NR2F2: variants seen among roughly 807,000 people sequenced by gnomAD.
NR2F2 encodes the protein nuclear receptor subfamily 2 group F member 2, also known as COUP transcription factor 2.
In NR2F2, 2 loss-of-function variants were observed where a neutral mutation model predicts 34.8. The ratio of observed to expected loss-of-function variants is 0.06; its 90% CI spans 0.02 to 0.18. The LOEUF (loss-of-function observed/expected upper bound fraction) is 0.18, where lower values mean the gene tolerates loss of function less well. Ranked by LOEUF, NR2F2 falls within the 10% of genes least tolerant of loss-of-function variation. The pLI, the probability that NR2F2 is intolerant of heterozygous loss-of-function variation, is 1.00. For missense variants in NR2F2, 300 were observed against 580.1 expected, an observed-to-expected ratio of 0.52 and a Z score of 4.96; for synonymous variants, 274 against 251.8, an observed-to-expected ratio of 1.09 and a Z score of -0.84.
Position 96,339,187 on chromosome 15 carries a change from C to CT in NR2F2, c.*1566dup, listed in dbSNP as rs1899427521. The CT allele has an allele frequency of 6.6e-6, 1 of 151,930 alleles. No homozygotes were observed. The highest frequency in any genetic ancestry group is 2.4e-5 in the African/African-American group (1 of 41,350). 9.4% of individuals were successfully genotyped at this position (151,930 alleles called of 1,614,324 possible). On this transcript the variant is annotated 3_prime_UTR_variant, in exon 3 of 3. Coordinates refer to ENST00000394166, the MANE Select transcript of NR2F2 (RefSeq NM_021005.4). ...GTATTAGAAATCTTGAGATCAGTATCTATTTTATGATCAGAAAAAAATACT... is the reference window on the plus strand; with the variant it reads ...GTATTAGAAATCTTGAGATCAGTATCTTATTTTATGATCAGAAAAAAATACT...
chr15:96,326,620 T>C (rs1324423135), upstream of NR2F2, among the ~76,000 whole-genome samples: 1 of 151,920 alleles, frequency 6.6e-6, no homozygotes, highest in African/African-American at 2.4e-5. The surrounding 1 kb of genome is among the most constrained non-coding windows in gnomAD (Gnocchi z 5.5). Context: ...AAAATATGAT[T>C]AAACCGAAGC....
chr15:96,328,380 A>G (rs192933107), upstream of NR2F2, among the ~76,000 whole-genome samples: 12 of 152,308 alleles, frequency 7.9e-5, no homozygotes, highest in East Asian at 2.1e-3. Flanking sequence ...GTAAAAGGTA[A>G]TCTGCTATGG....
Position 96,337,956 on chromosome 15 carries a change from G to T in NR2F2, c.*334G>T, listed in dbSNP as rs1457428173. On this transcript the variant is annotated 3_prime_UTR_variant, in exon 3 of 3. Coordinates refer to ENST00000394166, the MANE Select transcript of NR2F2 (RefSeq NM_021005.4). ...GCTAAAAGTGCATTTAAGGAGATTG[G>T]GAGACAATTAGCAGAATGGAGAAAG... 5.1e-6 allele frequency: 1 copy of T among 197,048 alleles called. No individual in the cohort carries two copies. The highest frequency in any genetic ancestry group is 1.0e-5 in the Non-Finnish European group (1 of 97,210). The allele number at this position is 197,048 out of a possible 1,614,324, so 12.2% of individuals were successfully genotyped here.
In NR2F2 at chr15:96,331,282, G is replaced by C. The variant is rs1000695447; in HGVS notation, c.-824G>C. The C allele has an allele frequency of 5.9e-5, 60 of 1,016,046 alleles. No individual in the cohort carries two copies. In the African/African-American group the frequency reaches 1.0e-3, roughly 17 times the overall value. 62.9% of individuals were successfully genotyped at this position (1,016,046 alleles called of 1,614,324 possible). On this transcript the variant is annotated 5_prime_UTR_variant, in exon 1 of 3. Transcript: ENST00000394166. Reference sequence around the variant, plus strand: ...AGGCGCGCGCCGGACGCCCGGGGCAGGCGGCGGCGGCGGCGGCCCAGCGCC... The same window carrying C: ...AGGCGCGCGCCGGACGCCCGGGGCACGCGGCGGCGGCGGCGGCCCAGCGCC...
rs750957175 is a variant in NR2F2, at chr15:96,337,359, C to G, written c.982C>G (p.Leu328Val). ...IVLFTSDACG[L>V]SDVAHVESLQ... ...AAACTTTCTTCCAGATGCCTGTGGT[C>G]TCTCTGATGTAGCCCATGTGGAAAG... Residue 328 changes from leucine (L) to valine (V), a missense_variant, in exon 3 of 3, where the codon CTC (leucine) becomes GTC (valine). By Grantham distance (32) the Leu-to-Val change is conservative. Around this residue, in one of 6 missense-constraint regions of NR2F2, gnomAD observed 164 missense variants for 365.3 expected, o/e 0.45. Transcript: ENST00000394166. The G allele has an allele frequency of 2.5e-5, 41 of 1,612,194 alleles. No homozygotes were observed. Among genetic ancestry groups the G allele is most frequent in the Non-Finnish European group, 3.5e-5 (41 of 1,178,572 alleles).
intron 2 of NR2F2, 110 bp from the exon 3 acceptor site, chr15:96,337,238 C>T (rs1899353583): frequency 7.7e-7 from 1 of 1,292,236 alleles, no homozygotes; most frequent in African/African-American, 1.5e-5. Flanking sequence ...TCTGTGCACA[C>T]ACCTCATGTG....
chr15:96,331,135 C>T lies in NR2F2; in HGVS notation c.-971C>T. The T allele has an allele frequency of 6.2e-6, 7 of 1,120,918 alleles. No individual in the cohort carries two copies. The highest frequency in any genetic ancestry group is 7.7e-6 in the Non-Finnish European group (7 of 911,884). The allele number at this position is 1,120,918 out of a possible 1,614,324, so 69.4% of individuals were successfully genotyped here. On this transcript the variant is annotated 5_prime_UTR_variant, in exon 1 of 3. Coordinates refer to ENST00000394166, the MANE Select transcript of NR2F2 (RefSeq NM_021005.4). ...GCGGCGGCGGCGCTAGACGCAGCGG[C>T]TCCGGGCCCGACCCGGCGGCTTCGG...
chr15:96,331,520 C>G lies in NR2F2; in HGVS notation c.-586C>G. ...ACTGTGGGCTGCCCTGGACTTGGCC[C>G]CCGGACAGTCGCCTCTCCTCCTCCT... On this transcript the variant is annotated 5_prime_UTR_variant, in exon 1 of 3. Transcript: ENST00000394166. 8.1e-7 allele frequency: 1 copy of G among 1,230,728 alleles called. No homozygotes were observed. The highest frequency in any genetic ancestry group is 1.0e-6 in the Non-Finnish European group (1 of 987,630). 76.2% of individuals were successfully genotyped at this position (1,230,728 alleles called of 1,614,324 possible). A position where few individuals can be genotyped will look rare whatever the true frequency, so the allele number is the denominator to read the frequency against.
intron 1 of NR2F2, chr15:96,333,338 C>T (rs1899210384): frequency 9.0e-6 from 9 of 1,001,968 alleles, no homozygotes; most frequent in Non-Finnish European, 1.1e-5. Context: ...AGCGACTCTC[C>T]CGGTCCGGAG....
intron 1 of NR2F2, chr15:96,333,704 C>T (rs1567138187): frequency 1.7e-6 from 2 of 1,164,130 alleles, no homozygotes; most frequent in South Asian, 6.8e-5. Context: ...CCCTCCCGCT[C>T]CCTCTCCTCC....
At chr15:96,334,033 A>G (rs1356399953) in intron 1 of NR2F2, 43 bp from the exon 2 acceptor site, 9 of 1,581,918 alleles carry the variant, frequency 5.7e-6, no homozygotes, top group Admixed American at 3.4e-5. Context: ...CTGGGGACTG[A>G]GGCTGGTCAT....
chr15:96,338,556 A>AT lies in NR2F2; in HGVS notation c.*938dup, dbSNP rs1899402411. The AT allele has an allele frequency of 6.6e-6, 1 of 152,494 alleles. No individual in the cohort carries two copies. The highest frequency in any genetic ancestry group is 1.5e-5 in the Non-Finnish European group (1 of 68,042). 9.4% of individuals were successfully genotyped at this position (152,494 alleles called of 1,614,324 possible). On this transcript the variant is annotated 3_prime_UTR_variant, in exon 3 of 3. Coordinates refer to ENST00000394166, the MANE Select transcript of NR2F2 (RefSeq NM_021005.4). The stretch of plus-strand genomic sequence containing the variant: ...AACCCTTTGTATTATAATTGTTGAT[A>AT]TTTTCCCTTTTTAAAAAATACCATT...
chr15:96,331,509 T>A lies in NR2F2; in HGVS notation c.-597T>A, dbSNP rs895003979. On this transcript the variant is annotated 5_prime_UTR_variant, in exon 1 of 3. Coordinates refer to ENST00000394166, the MANE Select transcript of NR2F2 (RefSeq NM_021005.4). ...CTGAATGGCTGACTGTGGGCTGCCC[T>A]GGACTTGGCCCCCGGACAGTCGCCT... is the stretch of plus-strand genomic sequence containing the variant. 47 of 1,231,096 alleles carry A rather than the reference T, an allele frequency of 3.8e-5. No homozygotes were observed. In the African/African-American group the frequency reaches 6.8e-4, roughly 18 times the overall value. 76.3% of individuals were successfully genotyped at this position (1,231,096 alleles called of 1,614,324 possible). A position where few individuals can be genotyped will look rare whatever the true frequency, so the allele number is the denominator to read the frequency against.
intron 2 of NR2F2, among the ~76,000 whole-genome samples, chr15:96,335,130 G>A (rs1014189469): frequency 2.0e-5 from 3 of 152,216 alleles, no homozygotes; most frequent in Admixed American, 6.5e-5. Context: ...TATTCTTACT[G>A]GAATAATGCA....
chr15:96,331,464 T>A lies in NR2F2; in HGVS notation c.-642T>A. The A allele has an allele frequency of 1.6e-6, 2 of 1,231,050 alleles. 1 individual carries two copies. The highest frequency in any genetic ancestry group is 2.0e-6 in the Non-Finnish European group (2 of 987,750). The allele number at this position is 1,231,050 out of a possible 1,614,324, so 76.3% of individuals were successfully genotyped here. A position where few individuals can be genotyped will look rare whatever the true frequency, so the allele number is the denominator to read the frequency against. On this transcript the variant is annotated 5_prime_UTR_variant, in exon 1 of 3. Coordinates refer to ENST00000394166, the MANE Select transcript of NR2F2 (RefSeq NM_021005.4). ...CCCGGCGCCTCCGATCTCCTAGTCC[T>A]CCTGATTTCGATGGCTTTCCTGAAT...
At position 96,337,713 on chromosome 15, in the gene NR2F2, T is replaced by A; in HGVS notation, c.*91T>A. ...AATTTCCTTCTGTTAAGAAAGGATA[T>A]AAAAGGATGTTACAAGTTTGCTAAA... On this transcript the variant is annotated 3_prime_UTR_variant, in exon 3 of 3. Transcript: ENST00000394166. 8.0e-7 allele frequency: 1 copy of A among 1,256,150 alleles called. No homozygotes were observed. Among genetic ancestry groups the A allele is most frequent in the Non-Finnish European group, 1.1e-6 (1 of 933,182 alleles). 77.8% of individuals were successfully genotyped at this position (1,256,150 alleles called of 1,614,324 possible). A position where few individuals can be genotyped will look rare whatever the true frequency, so the allele number is the denominator to read the frequency against.
Position 96,331,517 on chromosome 15 carries a change from G to C in NR2F2, c.-589G>C. 8.1e-7 allele frequency: 1 copy of C among 1,230,258 alleles called. No individual in the cohort carries two copies. The highest frequency in any genetic ancestry group is 1.0e-6 in the Non-Finnish European group (1 of 987,412). The allele number at this position is 1,230,258 out of a possible 1,614,324, so 76.2% of individuals were successfully genotyped here. The stretch of plus-strand genomic sequence containing the variant: ...CTGACTGTGGGCTGCCCTGGACTTG[G>C]CCCCCGGACAGTCGCCTCTCCTCCT... On this transcript the variant is annotated 5_prime_UTR_variant, in exon 1 of 3. Coordinates refer to ENST00000394166, the MANE Select transcript of NR2F2 (RefSeq NM_021005.4).
intron 1 of NR2F2, 41 bp from the exon 2 acceptor site, chr15:96,334,035 G>T (rs752652245): frequency 6.3e-7 from 1 of 1,583,950 alleles, no homozygotes; most frequent in Non-Finnish European, 8.6e-7. Context: ...GGGGACTGAG[G>T]CTGGTCATTA....
chr15:96,334,170 C>G lies in NR2F2; in HGVS notation c.537C>G (p.Ser179=). The change falls in exon 2 of 3, where the codon TCC becomes TCG. Residue 179 remains serine (S), a synonymous_variant. Coordinates refer to ENST00000394166, the MANE Select transcript of NR2F2 (RefSeq NM_021005.4). ...CCCTCAACTGCCACTCGTACCTGTC[C>G]GGATATATTTCCCTGCTGTTGCGCG... ...GDPLNCHSYL[S]GYISLLLRAE... 6.2e-7 allele frequency: 1 copy of G among 1,614,148 alleles called. No homozygotes were observed. Among genetic ancestry groups the G allele is most frequent in the East Asian group, 2.2e-5 (1 of 44,890 alleles).
Sources: gnomAD v4.1 joint callset for allele counts (sites outside exome capture counted in the v4.1 genomes callset) on GRCh38, gnomAD v4.1.1 for gene constraint, gnomAD v4.1.1 regional missense constraint, Gnocchi (gnomAD v3.1) non-coding constraint, MANE v1.5 for transcripts, NCBI Gene and HGNC (gene_info 2026-07-23, HGNC 2026-07-21) for gene names.